FGF10: variants seen among roughly 807,000 people sequenced by gnomAD.
The protein encoded by FGF10 is FGF-10.
A neutral mutation model predicts 19.8 loss-of-function variants in FGF10; 2 were observed. That is an observed-to-expected ratio of 0.10 (90% CI 0.04 to 0.32). The LOEUF (loss-of-function observed/expected upper bound fraction) is 0.32. FGF10 is among the 10% of genes least tolerant of loss of function. FGF10 has a pLI of 1.00. For synonymous variants in FGF10, 112 were observed against 94.0 expected (o/e 1.19, Z -1.10); for missense variants, 191 against 246.3 (o/e 0.78, Z 1.50).
rs6451760 is a variant in FGF10 at position 44,329,330 on chromosome 5, C to A, written c.326-18800G>T. On this transcript the variant is annotated intron_variant, in intron 1 of 2. Coordinates refer to ENST00000264664, the MANE Select transcript of FGF10 (RefSeq NM_004465.2). The stretch of plus-strand genomic sequence containing the variant: ...TAGCTGGGATTACAGGTGCATGCCA[C>A]CACACCTGGCTAATTTTTGTATTTT... 1.1e-4 allele frequency among the ~76,000 whole-genome samples: 16 copies of A among 151,998 alleles called. 1 individual carries two copies. Among genetic ancestry groups the A allele is most frequent in the Admixed American group, 8.5e-4 (13 of 15,266 alleles).
chr5:44,308,514 T>C (rs938683605), intron 2 of FGF10, among the ~76,000 whole-genome samples: 5 of 152,110 alleles, frequency 3.3e-5, no homozygotes, highest in Admixed American at 6.6e-5. Context: ...AATTCTGATA[T>C]AGTAGATCAA....
intron 1 of FGF10, among the ~76,000 whole-genome samples, chr5:44,381,859 C>T (rs1179614445): frequency 1.3e-5 from 2 of 152,114 alleles, no homozygotes; most frequent in Middle Eastern, 3.2e-3. Flanking sequence ...GAATTAGGTT[C>T]TAGTTGTGGT....
intron 1 of FGF10, among the ~76,000 whole-genome samples, chr5:44,375,142 T>C (rs1461251514): frequency 6.6e-6 from 1 of 152,184 alleles, no homozygotes; most frequent in African/African-American, 2.4e-5. Context: ...TACCTAATAA[T>C]ATATAGAAAG....
At chr5:44,331,035 T>A (rs1327718875) in intron 1 of FGF10, among the ~76,000 whole-genome samples, 1 of 152,176 alleles carries the variant, frequency 6.6e-6, no homozygotes, top group Non-Finnish European at 1.5e-5. Flanking sequence ...AAAATTATGA[T>A]GGTTATGACT....
intron 1 of FGF10, among the ~76,000 whole-genome samples, chr5:44,325,859 C>T (rs1442694611): frequency 6.8e-6 from 1 of 146,660 alleles, no homozygotes; most frequent in Non-Finnish European, 1.5e-5. Context: ...TACCCTAAAA[C>T]TTAAAGTATA....
chr5:44,336,226 C>G (rs1042551143), intron 1 of FGF10, among the ~76,000 whole-genome samples: 4 of 151,706 alleles, frequency 2.6e-5, no homozygotes, highest in Non-Finnish European at 5.9e-5. Flanking sequence ...TTCATTTTAT[C>G]TCTTTAATGA....
chr5:44,377,694 T>C (rs1210330898), intron 1 of FGF10, among the ~76,000 whole-genome samples: 1 of 152,214 alleles, frequency 6.6e-6, no homozygotes, highest in Non-Finnish European at 1.5e-5. Flanking sequence ...TTATCTGAAA[T>C]GCTTGGGATC....
intron 1 of FGF10, among the ~76,000 whole-genome samples, chr5:44,333,344 G>C (rs556410892): frequency 3.9e-5 from 6 of 152,174 alleles, no homozygotes; most frequent in Non-Finnish European, 8.8e-5. Context: ...ACAAAAACCT[G>C]TATGTTCAAA....
chr5:44,331,616 C>T (rs1056790637), intron 1 of FGF10, among the ~76,000 whole-genome samples: 4 of 152,092 alleles, frequency 2.6e-5, no homozygotes, highest in African/African-American at 9.7e-5. Flanking sequence ...AATTAGGGTT[C>T]TTTCCTCTGT....
chr5:44,353,200 A>G (rs745661173), intron 1 of FGF10, among the ~76,000 whole-genome samples: 1 of 151,646 alleles, frequency 6.6e-6, no homozygotes, highest in Non-Finnish European at 1.5e-5. Flanking sequence ...TGCATAGTCC[A>G]TAGTCCCTCT....
At position 44,388,984 on chromosome 5, in the gene FGF10, C is replaced by T; in HGVS notation, c.-302G>A. On this transcript the variant is annotated 5_prime_UTR_variant, in exon 1 of 3. Transcript: ENST00000264664. ...GCGTTGGTGGTGTTGGTCACCAGCG[C>T]TCTTCGCTCCCCCAGGAGTTACTTT... 1 of 526,494 alleles carries T rather than the reference C, an allele frequency of 1.9e-6. No homozygotes were observed. Among genetic ancestry groups the T allele is most frequent in the Non-Finnish European group, 3.4e-6 (1 of 289,924 alleles). The allele number at this position is 526,494 out of a possible 1,614,324, so 32.6% of individuals were successfully genotyped here.
At chr5:44,313,786 T>C (rs1026429654) in intron 1 of FGF10, among the ~76,000 whole-genome samples, 2 of 152,140 alleles carry the variant, frequency 1.3e-5, no homozygotes, top group African/African-American at 4.8e-5. Flanking sequence ...GCCCAGGTAG[T>C]ATTGTGAATC....
chr5:44,302,556 G>T lies in FGF10; in HGVS notation c.*2439C>A, dbSNP rs1437129668. The stretch of plus-strand genomic sequence containing the variant: ...TTTTGTTTTGTTTTGTTTAAGAGAA[G>T]GATGTCTCACTAGGTTTCTCAGGCC... On this transcript the variant is annotated 3_prime_UTR_variant, in exon 3 of 3. Transcript: ENST00000264664. 2.6e-5 allele frequency among the ~76,000 whole-genome samples: 4 copies of T among 151,892 alleles called. No individual in the cohort carries two copies. The highest frequency in any genetic ancestry group is 4.4e-5 in the Non-Finnish European group (3 of 67,972).
At chr5:44,349,439 T>TC (rs1157288484) in intron 1 of FGF10, among the ~76,000 whole-genome samples, 1 of 11,232 alleles carries the variant, frequency 8.9e-5, no homozygotes, top group Non-Finnish European at 2.8e-4. Flanking sequence ...TATATATATA[T>TC]ATATATATAT....
At chr5:44,339,185 CTTTA>C (rs1010406203) in intron 1 of FGF10, among the ~76,000 whole-genome samples, 4 of 152,014 alleles carry the variant, frequency 2.6e-5, no homozygotes, top group Admixed American at 2.6e-4. Context: ...ACATTTTAAG[CTTTA>C]TTTAATTATT....
intron 1 of FGF10, among the ~76,000 whole-genome samples, chr5:44,357,060 G>A (rs898450933): frequency 4.6e-5 from 7 of 151,264 alleles, no homozygotes; most frequent in Admixed American, 6.6e-5. Context: ...ATATGTATGT[G>A]TAGGTAAGAG....
intron 2 of FGF10, 84 bp from the exon 3 acceptor site, chr5:44,305,276 C>T: frequency 7.9e-7 from 1 of 1,266,832 alleles, no homozygotes; most frequent in Non-Finnish European, 1.1e-6. Flanking sequence ...GAACTCCAGT[C>T]CAAGGATTCT....
At chr5:44,317,705 T>C (rs1740381336) in intron 1 of FGF10, among the ~76,000 whole-genome samples, 1 of 152,194 alleles carries the variant, frequency 6.6e-6, no homozygotes, top group African/African-American at 2.4e-5. Context: ...GCTAGATCAA[T>C]AGATTTGGTA....
chr5:44,376,574 A>G (rs1001012663), intron 1 of FGF10, among the ~76,000 whole-genome samples: 5 of 136,366 alleles, frequency 3.7e-5, no homozygotes, highest in Non-Finnish European at 6.2e-5. Context: ...CCTTTTGGGG[A>G]TTTGCTGGAA....
Sources: gnomAD v4.1 joint callset for allele counts (sites outside exome capture counted in the v4.1 genomes callset) on GRCh38, gnomAD v4.1.1 for gene constraint, MANE v1.5 for transcripts, NCBI Gene and HGNC (gene_info 2026-07-23, HGNC 2026-07-21) for gene names.